RAPGEF1: variants seen among roughly 807,000 people sequenced by gnomAD.
The protein encoded by RAPGEF1 is CRK SH3-binding GNRP.
In RAPGEF1, 33 loss-of-function variants were observed where a neutral mutation model predicts 143.3. The observed-to-expected ratio is 0.23, with a 90% confidence interval of 0.17 to 0.31. The LOEUF is 0.31. Among genes scored for constraint, RAPGEF1 ranks in the 10% least tolerant of loss-of-function variants. RAPGEF1 has a pLI of 1.00. For missense variants in RAPGEF1, 1,199 were observed against 1,645.4 expected (o/e 0.73, Z 4.69); for synonymous variants, 629 against 676.5 (o/e 0.93, Z 1.09).
At chr9:131,610,306 CAG>C (rs1364006116) in intron 12 of RAPGEF1, among the ~76,000 whole-genome samples, 3 of 151,886 alleles carry the variant, frequency 2.0e-5, no homozygotes, top group Admixed American at 6.6e-5. Context: ...GTCTGCTCAT[CAG>C]CGGCTGAGGG....
At chr9:131,625,340 T>C (rs1962638142) in intron 10 of RAPGEF1, among the ~76,000 whole-genome samples, 1 of 152,288 alleles carries the variant, frequency 6.6e-6, no homozygotes, top group Non-Finnish European at 1.5e-5. Context: ...AGATTTACCG[T>C]TGGAAAATAT....
chr9:131,710,419 C>A (rs962777452), intron 1 of RAPGEF1, among the ~76,000 whole-genome samples: 1 of 152,274 alleles, frequency 6.6e-6, no homozygotes, highest in African/African-American at 2.4e-5. Flanking sequence ...TGCTACGCTA[C>A]CTAAATTCTG....
chr9:131,607,698 G>A (rs1487149399), intron 12 of RAPGEF1, among the ~76,000 whole-genome samples: 3 of 152,204 alleles, frequency 2.0e-5, no homozygotes, highest in South Asian at 2.1e-4. Context: ...ACACTGCCAC[G>A]AGATTTGCTA....
In RAPGEF1 at chr9:131,655,184, C is replaced by T. The variant is rs1173806705; in HGVS notation, c.62-4235G>A. On this transcript the variant is annotated intron_variant, in intron 1 of 26. Transcript: ENST00000683357. The surrounding 1 kb of genome is among the most constrained non-coding windows in gnomAD (Gnocchi z 4.1). The stretch of plus-strand genomic sequence containing the variant: ...GATCAGATAAACTACCTGCCCTTTG[C>T]AAATTACCTAGGCACCCACTGCGCT... 6.6e-6 allele frequency among the ~76,000 whole-genome samples: 1 copy of T among 152,066 alleles called. No homozygotes were observed. Among genetic ancestry groups the T allele is most frequent in the African/African-American group, 2.4e-5 (1 of 41,438 alleles).
chr9:131,643,417 T>C lies in RAPGEF1; in HGVS notation c.316A>G (p.Asn106Asp), dbSNP rs760511714. ...TCTTTCTCCTCCAGCCAGCTCAGGT[T>C]CTGAAAGGAGACGTTAGGCATAAGG... Reference protein sequence around the residue: ...AVASRSQRQKNLSWLEEKEKE... With the variant: ...AVASRSQRQKDLSWLEEKEKE... The change falls in exon 4 of 27, where the codon AAC (asparagine) becomes GAC (aspartate). Residue 106 changes from asparagine to aspartate, a missense_variant and splice_region_variant. Coordinates refer to ENST00000683357, the MANE Select transcript of RAPGEF1 (RefSeq NM_001377935.1). 1 of 1,611,758 alleles carries C rather than the reference T, an allele frequency of 6.2e-7. No homozygotes were observed. The highest frequency in any genetic ancestry group is 8.5e-7 in the Non-Finnish European group (1 of 1,178,990).
chr9:131,617,803 G>C (rs1421535411), intron 12 of RAPGEF1, among the ~76,000 whole-genome samples: 1 of 152,188 alleles, frequency 6.6e-6, no homozygotes, highest in Non-Finnish European at 1.5e-5. Context: ...GGGGGGCCAT[G>C]GGGGGAGAAT....
chr9:131,627,995 C>A lies in RAPGEF1; in HGVS notation c.1119G>T (p.Lys373Asn). 1 of 1,594,498 alleles carries A rather than the reference C, an allele frequency of 6.3e-7. No homozygotes were observed. The change falls in exon 9 of 27, where the codon AAG (lysine) becomes AAT (asparagine). Residue 373 changes from lysine (K) to asparagine (N), a missense_variant. By Grantham distance (94) the Lys-to-Asn change is moderately conservative. This residue lies in a region of RAPGEF1 where 613 missense variants were observed against 710.9 expected (regional missense o/e 0.86). Coordinates refer to ENST00000683357, the MANE Select transcript of RAPGEF1 (RefSeq NM_001377935.1). Reference protein sequence around the residue: ...PRLSPCSSIGKLSKSDEQLSS... With the variant: ...PRLSPCSSIGNLSKSDEQLSS... The stretch of plus-strand genomic sequence containing the variant: ...ACAGCTGCTCGTCTGACTTGCTGAG[C>A]TTGCCTATGCTGCTGCAGGGGGAGA...
At chr9:131,644,377 T>C (rs1365227727) in intron 3 of RAPGEF1, among the ~76,000 whole-genome samples, 4 of 148,936 alleles carry the variant, frequency 2.7e-5, no homozygotes, top group Non-Finnish European at 6.0e-5. Context: ...CTGTTCTGGT[T>C]TGGGAGGCTG....
intron 1 of RAPGEF1, among the ~76,000 whole-genome samples, chr9:131,682,580 A>T (rs1457012849): frequency 1.3e-5 from 2 of 152,228 alleles, no homozygotes; most frequent in African/African-American, 4.8e-5. Flanking sequence ...TCAGATTACA[A>T]TGCGGAAATT....
In RAPGEF1 at chr9:131,628,231, G is replaced by T; in HGVS notation, c.1018-135C>A. The T allele has an allele frequency of 1.2e-6, 1 of 865,998 alleles. No individual in the cohort carries two copies. Among genetic ancestry groups the T allele is most frequent in the Non-Finnish European group, 1.7e-6 (1 of 580,722 alleles). The allele number at this position is 865,998 out of a possible 1,614,324, so 53.6% of individuals were successfully genotyped here. A position where few individuals can be genotyped will look rare whatever the true frequency, so the allele number is the denominator to read the frequency against. Reference sequence around the variant, plus strand: ...AACTCAGAAACCACCTCTGACGTCAGTAGTCGAAGGACACATACAGCTGAG... The same window carrying T: ...AACTCAGAAACCACCTCTGACGTCATTAGTCGAAGGACACATACAGCTGAG... On this transcript the variant is annotated intron_variant, in intron 8 of 26. Coordinates refer to ENST00000683357, the MANE Select transcript of RAPGEF1 (RefSeq NM_001377935.1). This position sits in a 1 kb window ranked among gnomAD's most constrained non-coding sequence, Gnocchi z 5.7.
In RAPGEF1 at chr9:131,587,853, T is replaced by G. The variant is rs572619546; in HGVS notation, c.3139-23A>C. 9.9e-6 allele frequency: 16 copies of G among 1,609,884 alleles called. No individual in the cohort carries two copies. The East Asian group carries it at 3.6e-4, about 36-fold the overall frequency. On this transcript the variant is annotated intron_variant, in intron 21 of 26. Transcript: ENST00000683357. ...AATCTACAAAAGGAAAGAAGGCAGA[T>G]GGAGGTGGAGCCCCGGCTTTCCCCT...
At chr9:131,681,628 T>A (rs1169979408) in intron 1 of RAPGEF1, among the ~76,000 whole-genome samples, 1 of 152,172 alleles carries the variant, frequency 6.6e-6, no homozygotes, top group Non-Finnish European at 1.5e-5. Context: ...GGTGGGCAGA[T>A]GAAGCTTCCA....
chr9:131,716,562 T>C (rs1207788151), intron 1 of RAPGEF1, among the ~76,000 whole-genome samples: 2 of 152,204 alleles, frequency 1.3e-5, no homozygotes, highest in African/African-American at 2.4e-5. Context: ...GCCCAGGCGT[T>C]TGAGACCTGC....
At chr9:131,689,201 G>A (rs1833597678) in intron 1 of RAPGEF1, among the ~76,000 whole-genome samples, 1 of 152,136 alleles carries the variant, frequency 6.6e-6, no homozygotes, top group African/African-American at 2.4e-5. Context: ...TTTTATACCT[G>A]TCTTGTTTGT....
intron 15 of RAPGEF1, chr9:131,598,516 G>A: frequency 1.4e-6 from 1 of 691,888 alleles, no homozygotes; most frequent in Non-Finnish European, 2.6e-6. Context: ...GCCTCTGGAT[G>A]TTCCATCTGT....
At chr9:131,666,952 G>C (rs148152092) in intron 1 of RAPGEF1, among the ~76,000 whole-genome samples, 1 of 152,144 alleles carries the variant, frequency 6.6e-6, no homozygotes, top group Non-Finnish European at 1.5e-5. Flanking sequence ...TCAGGGTGGA[G>C]TGCTGAGGTC....
chr9:131,670,500 G>GT (rs1831204319), intron 1 of RAPGEF1, among the ~76,000 whole-genome samples: 1 of 152,208 alleles, frequency 6.6e-6, no homozygotes, highest in Non-Finnish European at 1.5e-5. Context: ...GTAAGTCACT[G>GT]TAAGAGGAGA....
intron 3 of RAPGEF1, among the ~76,000 whole-genome samples, chr9:131,649,756 G>A (rs761459611): frequency 7.9e-5 from 12 of 152,124 alleles, no homozygotes; most frequent in Non-Finnish European, 1.6e-4. Context: ...AAAGCACTCG[G>A]AGGCTTCAGA....
chr9:131,618,484 G>C (rs1959550983), intron 12 of RAPGEF1, among the ~76,000 whole-genome samples: 1 of 152,214 alleles, frequency 6.6e-6, no homozygotes, highest in African/African-American at 2.4e-5. Flanking sequence ...ATACATCCCT[G>C]AGAGTCAAAC....
Sources: gnomAD v4.1 joint callset for allele counts (sites outside exome capture counted in the v4.1 genomes callset) on GRCh38, gnomAD v4.1.1 for gene constraint, gnomAD v4.1.1 regional missense constraint, Gnocchi (gnomAD v3.1) non-coding constraint, MANE v1.5 for transcripts, NCBI Gene and HGNC (gene_info 2026-07-23, HGNC 2026-07-21) for gene names.